The following KLHDC4 variants were observed in gnomAD, a reference collection of about 807,000 sequenced individuals.
The protein encoded by KLHDC4 is kelch domain-containing protein 4.
In KLHDC4, 90 loss-of-function variants were observed where a neutral mutation model predicts 62.4. The ratio of observed to expected loss-of-function variants is 1.44; its 90% CI spans 1.22 to 1.72. The LOEUF (loss-of-function observed/expected upper bound fraction) is 1.72. KLHDC4 is among the 40% of genes most tolerant of loss of function. The pLI is 0.00. For missense variants in KLHDC4, 1,025 were observed against 699.7 expected (o/e 1.47, Z -5.25); for synonymous variants, 386 against 284.4 (o/e 1.36, Z -3.59).
At chr16:87,758,796 T>C (rs1016975832) in intron 2 of KLHDC4, among the ~76,000 whole-genome samples, 3 of 152,236 alleles carry the variant, frequency 2.0e-5, no homozygotes, top group African/African-American at 4.8e-5. Context: ...TTTGGGGTGA[T>C]AAAACAATGT....
chr16:87,732,390 C>A (rs1438735378), intron 5 of KLHDC4, among the ~76,000 whole-genome samples: 1 of 152,166 alleles, frequency 6.6e-6, no homozygotes, highest in African/African-American at 2.4e-5. Flanking sequence ...GCCACCGCCT[C>A]TGGTCAGGTG....
At chr16:87,717,297 T>G (rs1010884083) in intron 7 of KLHDC4, among the ~76,000 whole-genome samples, 1 of 152,258 alleles carries the variant, frequency 6.6e-6, no homozygotes, top group African/African-American at 2.4e-5. Context: ...GGTAGTATTG[T>G]TTCTAGGCCG....
chr16:87,706,582 T>A (rs377757416), downstream of KLHDC4, among the ~76,000 whole-genome samples: 14 of 152,282 alleles, frequency 9.2e-5, no homozygotes, highest in African/African-American at 2.6e-4. Context: ...CCCAGAGCCT[T>A]CCCCTTTCTG....
chr16:87,757,268 G>C (rs1211706969), intron 2 of KLHDC4: 1 of 151,280 alleles, frequency 6.6e-6, no homozygotes, highest in Non-Finnish European at 1.5e-5. Context: ...AAGAGATCGA[G>C]ACCATCCTAG....
In KLHDC4 at chr16:87,747,310, A is replaced by G. The variant is rs145007802; in HGVS notation, c.506+1363T>C. ...TGAACAAGAGATACCAAAGCTGACA[A>G]AATGCTATTAAAAAATCAATCGATT... On this transcript the variant is annotated intron_variant, in intron 5 of 11. Transcript: ENST00000270583. 2.6e-3 allele frequency among the ~76,000 whole-genome samples: 392 copies of G among 152,334 alleles called. 3 individuals are homozygous for G. The highest frequency in any genetic ancestry group is 8.6e-3 in the African/African-American group (356 of 41,570).
At chr16:87,759,585 A>G (rs945250290) in intron 2 of KLHDC4, among the ~76,000 whole-genome samples, 2 of 152,096 alleles carry the variant, frequency 1.3e-5, no homozygotes, top group African/African-American at 2.4e-5. Flanking sequence ...CGTCTCTACT[A>G]AAAATACAAA....
chr16:87,730,460 C>T (rs1202628383), intron 6 of KLHDC4, 92 bp downstream of exon 6: 12 of 1,062,844 alleles, frequency 1.1e-5, no homozygotes, highest in African/African-American at 6.4e-5. Context: ...AGGATGGGTG[C>T]GTCTTTCTTG....
At chr16:87,701,279 A>C (rs1318122747) in exon 1 of KLHDC4, 1 of 236,406 alleles carries the variant, frequency 4.2e-6, no homozygotes, top group Admixed American at 5.0e-5. Flanking sequence ...AACGCCACCA[A>C]AGCAGAGGAC....
chr16:87,714,673 G>A (rs1156743515), intron 7 of KLHDC4, 100 bp from the exon 8 acceptor site: 27 of 1,259,220 alleles, frequency 2.1e-5, no homozygotes, highest in East Asian at 4.6e-5. Flanking sequence ...AGGGGCTGGA[G>A]GCCTTCCCTG....
intron 9 of KLHDC4, 146 bp from the exon 10 acceptor site, chr16:87,709,813 G>T: frequency 1.1e-6 from 1 of 931,642 alleles, no homozygotes; most frequent in Non-Finnish European, 1.6e-6. Context: ...ATCCCTGACT[G>T]CCCTGGGTGC....
At chr16:87,712,017 C>T (rs1365520455) in intron 8 of KLHDC4, among the ~76,000 whole-genome samples, 3 of 151,172 alleles carry the variant, frequency 2.0e-5, no homozygotes, top group South Asian at 2.1e-4. Context: ...TGGGCCTGCA[C>T]GGGGACCCTC....
At chr16:87,765,715 C>T in intron 1 of KLHDC4, 77 bp downstream of exon 1, 1 of 1,408,948 alleles carries the variant, frequency 7.1e-7, no homozygotes, top group African/African-American at 1.4e-5. Context: ...CGACCCGTAA[C>T]CCCGGGGGGC....
chr16:87,746,203 G>T (rs541968337), intron 5 of KLHDC4, among the ~76,000 whole-genome samples: 2 of 152,290 alleles, frequency 1.3e-5, no homozygotes, highest in East Asian at 3.9e-4. Context: ...CCAGGAGTTT[G>T]AGGCTGCAAT....
chr16:87,743,008 A>G (rs2042468075), intron 5 of KLHDC4: 1 of 152,470 alleles, frequency 6.6e-6, no homozygotes, highest in African/African-American at 2.4e-5. Context: ...CATCACGCCA[A>G]GAGTCAGCCC....
Position 87,711,434 on chromosome 16 carries a change from AC to A in KLHDC4, c.844del (p.Val282PhefsTer5). 1 of 1,609,712 alleles carries A rather than the reference AC, an allele frequency of 6.2e-7. No individual in the cohort carries two copies. The highest frequency in any genetic ancestry group is 8.5e-7 in the Non-Finnish European group (1 of 1,178,870). On this transcript the variant is annotated frameshift_variant, in exon 9 of 12. Transcript: ENST00000270583. LOFTEE classifies it high-confidence loss of function. ...KPEDGREDKW[V>X]WTRMNPSGVK... ...CCCCGAAGGGTTCATCCGAGTCCAA[AC>A]CCACTTGTCTGTCAAAAGAGAACAA...
At chr16:87,748,857 G>T (rs1339854438) in intron 4 of KLHDC4, 48 bp from the exon 5 acceptor site, 2 of 1,607,092 alleles carry the variant, frequency 1.2e-6, no homozygotes, top group East Asian at 4.5e-5. Flanking sequence ...ACAGCAGAAG[G>T]GCCAGTGTCA....
chr16:87,753,047 G>A (rs1306655307), intron 4 of KLHDC4, among the ~76,000 whole-genome samples: 1 of 152,218 alleles, frequency 6.6e-6, no homozygotes, highest in African/African-American at 2.4e-5. Flanking sequence ...CTGGAGCAGG[G>A]ACAAGGGGCA....
At chr16:87,765,518 CG>C (rs766224015) in intron 1 of KLHDC4, among the ~76,000 whole-genome samples, 7 of 151,994 alleles carry the variant, frequency 4.6e-5, no homozygotes, top group Non-Finnish European at 7.4e-5. Flanking sequence ...GGGGAGGAAA[CG>C]CAGAAAAACG....
exon 1 of KLHDC4, chr16:87,701,017 G>A (rs1297632401): frequency 9.6e-6 from 2 of 208,060 alleles, no homozygotes; most frequent in Non-Finnish European, 2.0e-5. Flanking sequence ...AGGTGCCAAG[G>A]AGGTTGCTGG....
Sources: gnomAD v4.1 joint callset for allele counts (sites outside exome capture counted in the v4.1 genomes callset) on GRCh38, gnomAD v4.1.1 for gene constraint, MANE v1.5 for transcripts, NCBI Gene and HGNC (gene_info 2026-07-23, HGNC 2026-07-21) for gene names.